Variants in ZHX2 observed in about 807,000 individuals in gnomAD.
ZHX2 encodes zinc fingers and homeoboxes protein 2.
A neutral mutation model predicts 21.9 loss-of-function variants in ZHX2; 6 were observed. The ratio of observed to expected loss-of-function variants is 0.27; its 90% CI spans 0.15 to 0.54. ZHX2 has a LOEUF of 0.54. Ranked by LOEUF, ZHX2 falls within the 20% of genes least tolerant of loss-of-function variation. The pLI, the probability that ZHX2 is intolerant of heterozygous loss-of-function variation, is 0.95. For missense variants in ZHX2, 908 were observed against 1,090.7 expected (o/e 0.83, Z 2.36); for synonymous variants, 434 against 437.1 (o/e 0.99, Z 0.09).
At chr8:122,880,882 G>C (rs1819698796) in intron 2 of ZHX2, among the ~76,000 whole-genome samples, 1 of 152,054 alleles carries the variant, frequency 6.6e-6, no homozygotes. Flanking sequence ...AGCTAAAACA[G>C]ATGCTGCCCA....
Position 122,945,519 on chromosome 8 carries a change from A to AG in ZHX2, c.-219-5770dup, listed in dbSNP as rs200314640. On this transcript the variant is annotated intron_variant, in intron 2 of 3. Coordinates refer to ENST00000314393, the MANE Select transcript of ZHX2 (RefSeq NM_014943.5). ...GCATTGTTATGGTCTCATTATGGTT[A>AG]GGGTTTCTTTGAGGGGCATAGCAAA... Among the ~76,000 whole-genome samples, 465 of 145,936 alleles carry AG rather than the reference A, an allele frequency of 3.2e-3. 1 individual carries two copies. The highest frequency in any genetic ancestry group is 0.01 in the African/African-American group (410 of 39,728).
intron 2 of ZHX2, among the ~76,000 whole-genome samples, chr8:122,916,681 T>C (rs1385954733): frequency 1.3e-5 from 2 of 152,122 alleles, no homozygotes; most frequent in Admixed American, 6.5e-5. Flanking sequence ...CCCATATTGT[T>C]CTCAGTGAAA....
rs529562699 is a variant in ZHX2 at position 122,952,190 on chromosome 8, C to T, written c.680C>T (p.Ser227Leu). Residue 227 changes from serine (S) to leucine (L), a missense_variant, in exon 3 of 4, where the codon TCG becomes TTG. This residue lies in a region of ZHX2 where 220 missense variants were observed against 251.4 expected (regional missense o/e 0.88). Coordinates refer to ENST00000314393, the MANE Select transcript of ZHX2 (RefSeq NM_014943.5). This position sits in a 1 kb window ranked among gnomAD's most constrained non-coding sequence, Gnocchi z 6.9. ...GTGACAGACACAGCTGAGATCCTCT[C>T]GAGACTCGGCGGGGTGGAGCTCCTC... ...RLVTDTAEIL[S>L]RLGGVELLQD... The T allele has an allele frequency of 3.3e-5, 54 of 1,613,478 alleles. No homozygotes were observed. The African/African-American group carries it at 4.0e-4, about 12-fold the overall frequency.
intron 2 of ZHX2, among the ~76,000 whole-genome samples, chr8:122,871,671 G>GTATA (rs374444747): frequency 0.032 from 4,059 of 125,390 alleles, 120 homozygotes; most frequent in African/African-American, 0.07. Flanking sequence ...AGAACTTAAA[G>GTATA]TATATATATA....
chr8:122,820,963 T>A (rs1437637808), intron 1 of ZHX2, among the ~76,000 whole-genome samples: 1 of 152,142 alleles, frequency 6.6e-6, no homozygotes, highest in Non-Finnish European at 1.5e-5. Flanking sequence ...GCAGCAGGGA[T>A]GTTTCCCCAG....
chr8:122,839,201 A>T lies in ZHX2; in HGVS notation c.-282-24276A>T, dbSNP rs570454049. ...ATGTGGCATTGCTCTCTGTGGGCCC[A>T]TCCGCACTCCATTCAGCCAAGTATT... On this transcript the variant is annotated intron_variant, in intron 1 of 3. Transcript: ENST00000314393. Among the ~76,000 whole-genome samples, 10 of 151,838 alleles carry T rather than the reference A, an allele frequency of 6.6e-5. No homozygotes were observed. The South Asian group carries it at 2.1e-3, about 32-fold the overall frequency.
At chr8:122,883,287 G>A (rs1819759335) in intron 2 of ZHX2, among the ~76,000 whole-genome samples, 1 of 152,130 alleles carries the variant, frequency 6.6e-6, no homozygotes, top group African/African-American at 2.4e-5. Context: ...CTGGCTCAGG[G>A]AACAGAGGCT....
chr8:122,959,136 T>C (rs1563607670), intron 3 of ZHX2, among the ~76,000 whole-genome samples: 1 of 152,154 alleles, frequency 6.6e-6, no homozygotes, highest in Non-Finnish European at 1.5e-5. Flanking sequence ...TGTCTAAAAT[T>C]GACTCCAAAG....
chr8:122,908,220 A>G (rs1362722059), intron 2 of ZHX2, among the ~76,000 whole-genome samples: 1 of 152,076 alleles, frequency 6.6e-6, no homozygotes, highest in African/African-American at 2.4e-5. Flanking sequence ...TTTGTTTTGA[A>G]ATGGAGTTTC....
Position 122,951,885 on chromosome 8 carries a change from A to G in ZHX2, c.375A>G (p.Leu125=), listed in dbSNP as rs149407080. 29 of 1,613,934 alleles carry G rather than the reference A, an allele frequency of 1.8e-5. No homozygotes were observed. Among genetic ancestry groups the G allele is most frequent in the Admixed American group, 1.2e-4 (7 of 59,988 alleles). The stretch of plus-strand genomic sequence containing the variant: ...TCACAACCAAAAAGTACGACTCCCT[A>G]TCCGACCACAACTCCAAGTTCCATC... The part of the protein sequence containing the change: ...CNFTTKKYDS[L]SDHNSKFHPG... Residue 125 remains leucine, a synonymous_variant, in exon 3 of 4, where the codon CTA becomes CTG. Transcript: ENST00000314393.
At chr8:122,886,257 T>G (rs964757815) in intron 2 of ZHX2, among the ~76,000 whole-genome samples, 1 of 152,216 alleles carries the variant, frequency 6.6e-6, no homozygotes, top group African/African-American at 2.4e-5. Flanking sequence ...TGATTCTAAC[T>G]ATATAACATT....
At chr8:122,881,249 G>T (rs553650483) in intron 2 of ZHX2, among the ~76,000 whole-genome samples, 4 of 152,302 alleles carry the variant, frequency 2.6e-5, no homozygotes, top group Non-Finnish European at 4.4e-5. Context: ...CTGGAGGGAG[G>T]TCATAGTGAA....
intron 1 of ZHX2, among the ~76,000 whole-genome samples, chr8:122,832,727 G>C (rs1320248064): frequency 6.6e-6 from 1 of 152,164 alleles, no homozygotes; most frequent in Non-Finnish European, 1.5e-5. Flanking sequence ...AGTTTGCGGA[G>C]GCGGGAGGGA....
intron 3 of ZHX2, among the ~76,000 whole-genome samples, chr8:122,966,000 A>C (rs1813577509): frequency 6.6e-6 from 1 of 152,164 alleles, no homozygotes; most frequent in Non-Finnish European, 1.5e-5. Flanking sequence ...ATTTGCATGG[A>C]ATATCTTTTT....
intron 1 of ZHX2, among the ~76,000 whole-genome samples, chr8:122,831,212 G>C (rs372256140): frequency 1.3e-5 from 2 of 152,316 alleles, no homozygotes; most frequent in South Asian, 2.1e-4. Context: ...TTTATCGGGC[G>C]GCATGTGAGC....
chr8:122,850,172 T>C (rs1818852993), intron 1 of ZHX2, among the ~76,000 whole-genome samples: 1 of 152,200 alleles, frequency 6.6e-6, no homozygotes, highest in South Asian at 2.1e-4. Context: ...GTCTCCAAAA[T>C]AGATCTCCAA....
chr8:122,965,887 T>C (rs1403723389), intron 3 of ZHX2, among the ~76,000 whole-genome samples: 1 of 152,218 alleles, frequency 6.6e-6, no homozygotes, highest in African/African-American at 2.4e-5. Flanking sequence ...ACTACTTCTT[T>C]TATCATTATA....
chr8:122,962,822 C>A (rs1481106424), intron 3 of ZHX2, among the ~76,000 whole-genome samples: 1 of 152,188 alleles, frequency 6.6e-6, no homozygotes, highest in African/African-American at 2.4e-5. Flanking sequence ...GCCATTCTTG[C>A]AGGAGTTAGG....
chr8:122,791,451 G>A (rs935499404), intron 1 of ZHX2, among the ~76,000 whole-genome samples: 1 of 152,178 alleles, frequency 6.6e-6, no homozygotes, highest in Non-Finnish European at 1.5e-5. Flanking sequence ...TCGGGTGACT[G>A]CCCACTTTAG....
Sources: allele counts gnomAD v4.1 joint callset (sites outside exome capture counted in the v4.1 genomes callset), GRCh38; gene constraint gnomAD v4.1.1; regional missense constraint gnomAD v4.1.1; non-coding constraint Gnocchi (gnomAD v3.1); transcripts MANE v1.5; gene names NCBI Gene and HGNC (gene_info 2026-07-23, HGNC 2026-07-21).